The following MMD2 variants were observed in gnomAD, a reference collection of about 807,000 sequenced individuals.
The protein encoded by MMD2 is monocyte to macrophage differentiation associated 2, also known as monocyte to macrophage differentiation factor 2.
Under a neutral mutation model 33.5 loss-of-function variants are expected in MMD2, and 30 were observed. That is an observed-to-expected ratio of 0.90 (90% CI 0.67 to 1.22). The LOEUF (loss-of-function observed/expected upper bound fraction) is 1.22. MMD2 is among the 50% of genes most tolerant of loss of function. The pLI is 0.00. For missense variants in MMD2, 364 were observed against 325.4 expected (o/e 1.12, Z -0.91); for synonymous variants, 129 against 123.0 (o/e 1.05, Z -0.32).
chr7:4,951,784 C>T (rs1176377024), intron 1 of MMD2, among the ~76,000 whole-genome samples: 1 of 152,068 alleles, frequency 6.6e-6, no homozygotes, highest in African/African-American at 2.4e-5. Flanking sequence ...ATTTTTTGTA[C>T]AGACAGGGTC....
chr7:4,922,840 G>A (rs541362147), intron 2 of MMD2, among the ~76,000 whole-genome samples: 3 of 152,242 alleles, frequency 2.0e-5, no homozygotes, highest in Non-Finnish European at 2.9e-5. Flanking sequence ...CACAGGACAT[G>A]TCCTCAGGAA....
At chr7:4,947,398 C>CTTT (rs34054867) in intron 1 of MMD2, among the ~76,000 whole-genome samples, 4 of 143,562 alleles carry the variant, frequency 2.8e-5, no homozygotes, top group African/African-American at 7.7e-5. Context: ...GTGCTATGCA[C>CTTT]TTTTTTTTTT....
intron 4 of MMD2, among the ~76,000 whole-genome samples, chr7:4,912,421 G>A (rs571781605): frequency 6.6e-6 from 1 of 151,886 alleles, no homozygotes; most frequent in East Asian, 2.0e-4. Flanking sequence ...AATGAGCCAG[G>A]CGTGGTGTCG....
intron 1 of MMD2, among the ~76,000 whole-genome samples, chr7:4,941,381 G>A (rs1785904608): frequency 2.6e-5 from 4 of 152,196 alleles, no homozygotes. Context: ...TGTAATCCCA[G>A]CACTTTGGGA....
At chr7:4,950,715 T>C (rs1024943640) in intron 1 of MMD2, among the ~76,000 whole-genome samples, 15 of 147,664 alleles carry the variant, frequency 1.0e-4, no homozygotes, top group African/African-American at 3.7e-4. Flanking sequence ...TTTCCTTCTT[T>C]TTTTTTTTTT....
At chr7:4,958,926 G>A (rs1353696762) in intron 1 of MMD2, 45 bp downstream of exon 1, 5 of 1,280,262 alleles carry the variant, frequency 3.9e-6, no homozygotes, top group Non-Finnish European at 5.0e-6. Flanking sequence ...CCGCCGCCGC[G>A]CGCCCCTCCC....
At chr7:4,914,053 A>G (rs1785081222) in intron 4 of MMD2, among the ~76,000 whole-genome samples, 2 of 152,128 alleles carry the variant, frequency 1.3e-5, no homozygotes, top group South Asian at 4.1e-4. Flanking sequence ...TGGCACAATC[A>G]TAGCTCACTG....
chr7:4,958,942 C>T, intron 1 of MMD2, 29 bp downstream of exon 1: 1 of 1,290,496 alleles, frequency 7.7e-7, no homozygotes, highest in Non-Finnish European at 9.9e-7. Flanking sequence ...CTCCCTCCCT[C>T]CCCGCGGACC....
the MMD2 span, among the ~76,000 whole-genome samples, chr7:4,897,057 G>A: frequency 6.6e-6 from 1 of 151,306 alleles, no homozygotes; most frequent in South Asian, 2.1e-4. Context: ...ACGGGGTTTC[G>A]CCATGTTGAC....
chr7:4,927,117 G>A (rs1785451986), intron 1 of MMD2, among the ~76,000 whole-genome samples: 1 of 152,128 alleles, frequency 6.6e-6, no homozygotes, highest in Non-Finnish European at 1.5e-5. Context: ...CCAACCCACT[G>A]CAGGGGGACA....
chr7:4,892,585 T>TGTAAATAA, the MMD2 span, among the ~76,000 whole-genome samples: 1 of 143,418 alleles, frequency 7.0e-6, no homozygotes, highest in African/African-American at 2.6e-5. Flanking sequence ...AAGACTCTGC[T>TGTAAATAA]ATAAATAAAT....
chr7:4,898,926 G>A, the MMD2 span, among the ~76,000 whole-genome samples: 1 of 151,560 alleles, frequency 6.6e-6, no homozygotes, highest in Non-Finnish European at 1.5e-5. Context: ...AGAGACAGAG[G>A]AAGGAAGGAA....
chr7:4,934,269 T>C (rs187834116), intron 1 of MMD2, among the ~76,000 whole-genome samples: 1 of 150,824 alleles, frequency 6.6e-6, no homozygotes, highest in East Asian at 2.0e-4. Flanking sequence ...ACCCAACTAA[T>C]TTTTTTGGAT....
chr7:4,920,432 G>A (rs965891466), intron 2 of MMD2, 101 bp from the exon 3 acceptor site: 16 of 1,234,288 alleles, frequency 1.3e-5, no homozygotes, highest in Middle Eastern at 2.2e-4. Context: ...GGCAGCACTC[G>A]GCTCTTGAAA....
chr7:4,930,435 T>C (rs1227216532), intron 1 of MMD2, among the ~76,000 whole-genome samples: 1 of 149,574 alleles, frequency 6.7e-6, no homozygotes, highest in Non-Finnish European at 1.5e-5. Flanking sequence ...AGGTCAGGAG[T>C]TTAAGACCAG....
intron 1 of MMD2, among the ~76,000 whole-genome samples, chr7:4,953,718 G>C (rs1332784313): frequency 6.6e-6 from 1 of 152,074 alleles, no homozygotes; most frequent in Non-Finnish European, 1.5e-5. Flanking sequence ...TGATCCACCT[G>C]CCTTGGCTTC....
Position 4,927,700 on chromosome 7 carries a change from C to A in MMD2, c.48-2168G>T, listed in dbSNP as rs565766873. Among the ~76,000 whole-genome samples the A allele has an allele frequency of 2.6e-5, 4 of 152,248 alleles. No homozygotes were observed. The South Asian group carries it at 8.3e-4, about 32-fold the overall frequency. Reference sequence around the variant, plus strand: ...CCAGCCTGGGTGACAGAGAGAGACTCATTCTCAAAAAAACCAAACCAAAAC... The same window carrying A: ...CCAGCCTGGGTGACAGAGAGAGACTAATTCTCAAAAAAACCAAACCAAAAC... On this transcript the variant is annotated intron_variant, in intron 1 of 6. Coordinates refer to ENST00000401401, the MANE Select transcript of MMD2 (RefSeq NM_198403.4).
chr7:4,928,330 G>C (rs1311643080), intron 1 of MMD2, among the ~76,000 whole-genome samples: 1 of 152,084 alleles, frequency 6.6e-6, no homozygotes, highest in East Asian at 1.9e-4. Context: ...GGAGTGCATG[G>C]AGCATTTATT....
chr7:4,905,215 C>A (rs566967929), downstream of MMD2, among the ~76,000 whole-genome samples: 9 of 145,940 alleles, frequency 6.2e-5, no homozygotes, highest in South Asian at 6.5e-4. The surrounding 1 kb of genome is among the most constrained non-coding windows in gnomAD (Gnocchi z 5.0). Flanking sequence ...GAAAAGAAGT[C>A]AAAGTATCTT....
Sources: allele counts gnomAD v4.1 joint callset (sites outside exome capture counted in the v4.1 genomes callset), GRCh38; gene constraint gnomAD v4.1.1; non-coding constraint Gnocchi (gnomAD v3.1); transcripts MANE v1.5; gene names NCBI Gene and HGNC (gene_info 2026-07-23, HGNC 2026-07-21).